Variants in RGS6 observed in about 807,000 individuals in gnomAD.
The protein encoded by RGS6 is regulator of G protein signaling 6, also known as regulator of G-protein signaling 6.
RGS6 carries 30 observed loss-of-function variants against 78.5 expected under a neutral mutation model. The observed-to-expected ratio is 0.38, with a 90% CI of 0.29 to 0.52. The LOEUF (loss-of-function observed/expected upper bound fraction) is 0.52. Among genes scored for constraint, RGS6 ranks in the 20% least tolerant of loss-of-function variants. The probability of loss-of-function intolerance (pLI) is 0.85; values close to 1 mark genes in which losing one functional copy is unlikely to be tolerated. For synonymous variants in RGS6, 206 were observed against 206.0 expected (o/e 1.00, Z 0.00); for missense variants, 495 against 609.7 (o/e 0.81, Z 1.98).
At chr14:72,578,612 A>T in the RGS6 span, among the ~76,000 whole-genome samples, 1 of 152,246 alleles carries the variant, frequency 6.6e-6, no homozygotes, top group Admixed American at 6.5e-5. Flanking sequence ...TGTGTCAGGC[A>T]CTGGGGTAGT....
chr14:71,890,788 T>TTC, the RGS6 span, among the ~76,000 whole-genome samples: 1 of 152,188 alleles, frequency 6.6e-6, no homozygotes, highest in African/African-American at 2.4e-5. Context: ...AATAAAACTA[T>TTC]TATTAGTGAA....
intron 16 of RGS6, among the ~76,000 whole-genome samples, chr14:72,538,935 C>T (rs1221139199): frequency 1.3e-5 from 2 of 152,252 alleles, no homozygotes; most frequent in Non-Finnish European, 2.9e-5. Context: ...CGCAGACCCA[C>T]AGACCTCAGG....
intron 2 of RGS6, among the ~76,000 whole-genome samples, chr14:72,044,943 G>A (rs2092717113): frequency 6.6e-6 from 1 of 152,162 alleles, no homozygotes; most frequent in South Asian, 2.1e-4. Flanking sequence ...GGGATTCTGG[G>A]TCTTGTATCT....
At chr14:72,284,580 G>C (rs1034707920) in intron 2 of RGS6, among the ~76,000 whole-genome samples, 10 of 152,222 alleles carry the variant, frequency 6.6e-5, no homozygotes, top group Admixed American at 5.9e-4. Context: ...GGATGTCCAG[G>C]CAGAAGCTTT....
At position 72,418,151 on chromosome 14, in the gene RGS6, G is replaced by C. The variant is rs561321661; in HGVS notation, c.185-36377G>C. On this transcript the variant is annotated intron_variant, in intron 3 of 17. Coordinates refer to ENST00000553525, the MANE Select transcript of RGS6 (RefSeq NM_001204424.2). ...AGCGGACACATCATCTGTACTGCCA[G>C]TGTCTCTCTTCAAAATAAACTTTTT... 6.8e-4 allele frequency among the ~76,000 whole-genome samples: 103 copies of C among 151,878 alleles called. 1 individual carries two copies. The highest frequency in any genetic ancestry group is 1.1e-3 in the Admixed American group (16 of 15,230).
intron 2 of RGS6, among the ~76,000 whole-genome samples, chr14:72,016,170 A>C (rs1008837741): frequency 3.3e-5 from 5 of 152,152 alleles, no homozygotes; most frequent in African/African-American, 4.8e-5. Context: ...ATTCTTTTAA[A>C]GTTTTCAAAT....
chr14:72,554,549 C>T (rs2097545290), intron 17 of RGS6, among the ~76,000 whole-genome samples: 1 of 152,082 alleles, frequency 6.6e-6, no homozygotes, highest in Non-Finnish European at 1.5e-5. Flanking sequence ...TGAACCAGAG[C>T]TTAGATGCCA....
intron 3 of RGS6, among the ~76,000 whole-genome samples, chr14:72,428,047 A>G (rs1055840519): frequency 2.0e-5 from 3 of 152,212 alleles, no homozygotes; most frequent in Admixed American, 2.0e-4. Flanking sequence ...AGTGAAGACC[A>G]AGCGGTAAAG....
At chr14:72,378,201 A>C (rs2085233190) in intron 3 of RGS6, among the ~76,000 whole-genome samples, 1 of 152,246 alleles carries the variant, frequency 6.6e-6, no homozygotes, top group African/African-American at 2.4e-5. Context: ...TACGGGACAC[A>C]GCAAAAGCTA....
chr14:72,564,162 G>T lies in RGS6; in HGVS notation c.*1695G>T, dbSNP rs996001721. On this transcript the variant is annotated 3_prime_UTR_variant, in exon 18 of 18. Transcript: ENST00000553525. ...TTCTGTCCCTCACAGCAGTGCCATC[G>T]CGGGCATTAGGAGTCTTCGTTATGT... 6.6e-6 allele frequency: 1 copy of T among 152,208 alleles called. No individual in the cohort carries two copies. Among genetic ancestry groups the T allele is most frequent in the Non-Finnish European group, 1.5e-5 (1 of 68,066 alleles). 9.4% of individuals were successfully genotyped at this position (152,208 alleles called of 1,614,324 possible).
chr14:72,571,602 G>A, the RGS6 span, among the ~76,000 whole-genome samples: 1 of 152,112 alleles, frequency 6.6e-6, no homozygotes, highest in Non-Finnish European at 1.5e-5. Flanking sequence ...AAACGGTGCT[G>A]GAATAACTAA....
intron 15 of RGS6, 94 bp from the exon 16 acceptor site, chr14:72,536,092 C>A: frequency 1.0e-6 from 1 of 995,658 alleles, no homozygotes; most frequent in Non-Finnish European, 1.6e-6. Context: ...GTTCCTTCAT[C>A]TCCTTCCCCA....
At chr14:72,061,826 T>A (rs2153436390) in intron 2 of RGS6, among the ~76,000 whole-genome samples, 1 of 152,368 alleles carries the variant, frequency 6.6e-6, no homozygotes, top group South Asian at 2.1e-4. Context: ...GGACGACACA[T>A]ACTCATGGCT....
At chr14:71,899,971 T>C in the RGS6 span, among the ~76,000 whole-genome samples, 1 of 152,240 alleles carries the variant, frequency 6.6e-6, no homozygotes, top group Non-Finnish European at 1.5e-5. Context: ...GGACATTAAC[T>C]CAACTTAAAT....
intron 2 of RGS6, among the ~76,000 whole-genome samples, chr14:72,203,531 A>C (rs699364): frequency 2.0e-5 from 3 of 152,180 alleles, no homozygotes; most frequent in African/African-American, 7.2e-5. Flanking sequence ...TCAAGCTCAC[A>C]CATGTGGTTG....
chr14:72,377,633 G>C (rs1255830316), intron 3 of RGS6, among the ~76,000 whole-genome samples: 1 of 152,062 alleles, frequency 6.6e-6, no homozygotes, highest in Non-Finnish European at 1.5e-5. Flanking sequence ...CATTCTCCAG[G>C]CTTGACCGTA....
chr14:72,429,791 T>A (rs1395658289), intron 3 of RGS6, among the ~76,000 whole-genome samples: 1 of 152,166 alleles, frequency 6.6e-6, no homozygotes, highest in Non-Finnish European at 1.5e-5. Context: ...TCTTGGCTTA[T>A]AATCCCTGTA....
At chr14:71,923,929 T>A in the RGS6 span, among the ~76,000 whole-genome samples, 1 of 152,186 alleles carries the variant, frequency 6.6e-6, no homozygotes, top group South Asian at 2.1e-4. Flanking sequence ...GCAGGAAACC[T>A]TCGTGATCTA....
chr14:72,507,632 C>G (rs534326732), intron 13 of RGS6, among the ~76,000 whole-genome samples: 2 of 152,348 alleles, frequency 1.3e-5, no homozygotes, highest in Admixed American at 1.3e-4. Flanking sequence ...TTCTCCCACT[C>G]TTGCCACCAC....
Sources: allele counts gnomAD v4.1 joint callset (sites outside exome capture counted in the v4.1 genomes callset), GRCh38; gene constraint gnomAD v4.1.1; transcripts MANE v1.5; gene names NCBI Gene and HGNC (gene_info 2026-07-23, HGNC 2026-07-21).